DLGAP2: variants seen among roughly 807,000 people sequenced by gnomAD.
DLGAP2 encodes the protein disks large-associated protein 2.
A neutral mutation model predicts 100.3 loss-of-function variants in DLGAP2; 26 were observed. That is an observed-to-expected ratio of 0.26 (90% CI 0.19 to 0.36). DLGAP2 has a LOEUF of 0.36. DLGAP2 is among the 10% of genes least tolerant of loss of function. The pLI is 1.00. For synonymous variants in DLGAP2, 886 were observed against 630.1 expected, an observed-to-expected ratio of 1.41 and a Z score of -6.08; for missense variants, 1,858 against 1,453.2, an observed-to-expected ratio of 1.28 and a Z score of -4.53.
intron 4 of DLGAP2, among the ~76,000 whole-genome samples, chr8:1,531,981 C>A (rs896300693): frequency 1.3e-5 from 2 of 152,164 alleles, no homozygotes; most frequent in African/African-American, 4.8e-5. Context: ...AGACATGAGA[C>A]ATTAATATAC....
At chr8:1,392,335 G>T (rs749183460) in intron 3 of DLGAP2, among the ~76,000 whole-genome samples, 3 of 152,102 alleles carry the variant, frequency 2.0e-5, no homozygotes, top group Non-Finnish European at 4.4e-5. Flanking sequence ...GAGGTGCAGG[G>T]TTACCCGTTA....
At chr8:1,074,878 A>C (rs905071789) in intron 2 of DLGAP2, among the ~76,000 whole-genome samples, 1 of 152,206 alleles carries the variant, frequency 6.6e-6, no homozygotes, top group African/African-American at 2.4e-5. Context: ...CATCACCAGC[A>C]GGGTCCTGCA....
intron 2 of DLGAP2, among the ~76,000 whole-genome samples, chr8:948,987 G>A (rs1231256796): frequency 6.6e-6 from 1 of 151,702 alleles, no homozygotes; most frequent in Non-Finnish European, 1.5e-5. Context: ...TTGAGGAGTC[G>A]CCGGGGTGGG....
chr8:1,577,497 G>A (rs1271689496), intron 6 of DLGAP2, among the ~76,000 whole-genome samples: 2 of 150,930 alleles, frequency 1.3e-5, no homozygotes, highest in African/African-American at 4.9e-5. Context: ...GAACCCGGGA[G>A]GCGGAGGTTG....
rs1326783532 is a variant in DLGAP2, at chr8:1,247,474, T to C, written c.74-11377T>C. Among the ~76,000 whole-genome samples, 598 of 102,856 alleles carry C rather than the reference T, an allele frequency of 5.8e-3. 1 individual carries two copies. The highest frequency in any genetic ancestry group is 0.03 in the Middle Eastern group (4 of 132). 67.5% of individuals were successfully genotyped at this position (102,856 alleles called of 152,430 possible). On this transcript the variant is annotated intron_variant, in intron 2 of 14. Transcript: ENST00000637795. ...TTTGAGATCAGTGTGGGAGTGATGG[T>C]CCATGTTGGTGGCCGGGAAGACCTT...
intron 2 of DLGAP2, among the ~76,000 whole-genome samples, chr8:1,207,729 A>AT (rs1174621180): frequency 1.3e-5 from 2 of 152,058 alleles, no homozygotes; most frequent in Non-Finnish European, 2.9e-5. Flanking sequence ...GCCAACATCT[A>AT]TTTTTTTATT....
Position 820,911 on chromosome 8 carries a change from T to G in DLGAP2, c.18+83086T>G, listed in dbSNP as rs180937759. Among the ~76,000 whole-genome samples, 155 of 152,250 alleles carry G rather than the reference T, an allele frequency of 1.0e-3. 1 individual carries two copies. The highest frequency in any genetic ancestry group is 6.8e-3 in the Middle Eastern group (2 of 294). On this transcript the variant is annotated intron_variant, in intron 1 of 14. Coordinates refer to ENST00000637795, the MANE Select transcript of DLGAP2 (RefSeq NM_001346810.2). ...ACCGATATGGAGAAATGTTAATATA[T>G]TAATAGGAAGTGGATAAGTCTTGAA...
intron 8 of DLGAP2, among the ~76,000 whole-genome samples, chr8:1,662,741 C>G (rs545974587): frequency 3.3e-5 from 5 of 152,390 alleles, no homozygotes; most frequent in Admixed American, 2.0e-4. Flanking sequence ...GTATAACGTG[C>G]TCCACAGAGT....
chr8:800,192 C>A (rs552336782), intron 1 of DLGAP2, among the ~76,000 whole-genome samples: 1 of 152,292 alleles, frequency 6.6e-6, no homozygotes, highest in Non-Finnish European at 1.5e-5. Context: ...TGGGTCCTGC[C>A]AGGCTCCAGG....
chr8:1,579,993 C>G (rs188626652), intron 6 of DLGAP2, among the ~76,000 whole-genome samples: 167 of 152,316 alleles, frequency 1.1e-3, no homozygotes, highest in Admixed American at 1.4e-3. Context: ...GGCCTCAACA[C>G]CTCCACCGAA....
At chr8:1,052,853 T>C (rs917372390) in intron 2 of DLGAP2, among the ~76,000 whole-genome samples, 1 of 152,142 alleles carries the variant, frequency 6.6e-6, no homozygotes, top group African/African-American at 2.4e-5. Context: ...GTAAGGAGGA[T>C]AGAACTGGCT....
chr8:1,138,571 G>A (rs112730002), intron 2 of DLGAP2, among the ~76,000 whole-genome samples: 67 of 152,368 alleles, frequency 4.4e-4, no homozygotes, highest in African/African-American at 1.5e-3. Flanking sequence ...AGAAACACGA[G>A]AAGACACTGA....
intron 3 of DLGAP2, among the ~76,000 whole-genome samples, chr8:1,431,374 C>T (rs371541008): frequency 3.3e-5 from 5 of 152,230 alleles, no homozygotes; most frequent in African/African-American, 9.6e-5. Flanking sequence ...TCCTTGACTG[C>T]ACGTCTGATC....
intron 3 of DLGAP2, among the ~76,000 whole-genome samples, chr8:1,472,097 C>A (rs534827547): frequency 6.6e-6 from 1 of 152,236 alleles, no homozygotes; most frequent in African/African-American, 2.4e-5. Flanking sequence ...GACAGAGGGC[C>A]TGAGGCGTAA....
At chr8:1,199,995 C>T (rs886746071) in intron 2 of DLGAP2, among the ~76,000 whole-genome samples, 8 of 152,078 alleles carry the variant, frequency 5.3e-5, no homozygotes, top group East Asian at 3.9e-4. Context: ...TGTGCATCCC[C>T]GGGGGTCCCA....
Position 1,324,110 on chromosome 8 carries a change from C to A in DLGAP2, c.106+65227C>A, listed in dbSNP as rs1260026828. Among the ~76,000 whole-genome samples the A allele has an allele frequency of 2.0e-5, 3 of 152,104 alleles. No homozygotes were observed. In the East Asian group the frequency reaches 5.8e-4, roughly 29 times the overall value. ...GCCTCTGGCTTAGTGAAATAAGAAG[C>A]GTCCATTGAAGGGGGAGGAAGACGA... On this transcript the variant is annotated intron_variant, in intron 3 of 14. Transcript: ENST00000637795.
chr8:1,069,914 T>A (rs1167511983), intron 2 of DLGAP2, among the ~76,000 whole-genome samples: 1 of 152,134 alleles, frequency 6.6e-6, no homozygotes, highest in Non-Finnish European at 1.5e-5. Context: ...CGTCCTCCTT[T>A]TGCCAGGCTG....
intron 1 of DLGAP2, among the ~76,000 whole-genome samples, chr8:788,071 C>G (rs983088784): frequency 6.6e-6 from 1 of 152,222 alleles, no homozygotes; most frequent in Non-Finnish European, 1.5e-5. Flanking sequence ...CACTGGATCC[C>G]TCCCATGGCA....
At chr8:1,308,776 C>A (rs1251384561) in intron 3 of DLGAP2, among the ~76,000 whole-genome samples, 1 of 152,212 alleles carries the variant, frequency 6.6e-6, no homozygotes, top group Non-Finnish European at 1.5e-5. Flanking sequence ...CTGCCCGCCT[C>A]AGCCTCCCCA....
Sources: gnomAD v4.1 joint callset for allele counts (sites outside exome capture counted in the v4.1 genomes callset) on GRCh38, gnomAD v4.1.1 for gene constraint, MANE v1.5 for transcripts, NCBI Gene and HGNC (gene_info 2026-07-23, HGNC 2026-07-21) for gene names.